Variants in PPARG observed in about 807,000 individuals in gnomAD.
The protein encoded by PPARG is peroxisome proliferator-activated receptor gamma.
Under a neutral mutation model 39.2 loss-of-function variants are expected in PPARG, and 17 were observed. That is an observed-to-expected ratio of 0.43 (90% CI 0.30 to 0.65). PPARG has a LOEUF of 0.65. PPARG is among the 30% of genes least tolerant of loss of function. The pLI is 0.13. For missense variants in PPARG, 406 were observed against 585.9 expected (o/e 0.69, Z 3.17); for synonymous variants, 223 against 215.7 (o/e 1.03, Z -0.30).
intron 1 of PPARG, among the ~76,000 whole-genome samples, chr3:12,300,988 T>C (rs999168070): frequency 2.0e-5 from 3 of 152,198 alleles, no homozygotes; most frequent in African/African-American, 7.2e-5. Context: ...TCCACAATCT[T>C]AGGGAATTTC....
At chr3:12,392,791 A>G (rs777491712) in intron 5 of PPARG, 39 bp downstream of exon 5, 3 of 1,611,902 alleles carry the variant, frequency 1.9e-6, no homozygotes, top group Admixed American at 1.7e-5. Flanking sequence ...TATTATTCTC[A>G]TTATAGCTGC....
intron 1 of PPARG, among the ~76,000 whole-genome samples, chr3:12,311,870 C>A (rs564416987): frequency 1.3e-5 from 2 of 152,270 alleles, no homozygotes; most frequent in Admixed American, 6.5e-5. Flanking sequence ...GTGTGGCACA[C>A]AACTGTACTG....
intron 2 of PPARG, among the ~76,000 whole-genome samples, chr3:12,331,446 G>A (rs1334259791): frequency 1.3e-5 from 2 of 152,194 alleles, no homozygotes; most frequent in African/African-American, 2.4e-5. Flanking sequence ...TGGAGAAAAG[G>A]AATCCAGTGA....
At chr3:12,399,977 C>T (rs1473996256) in intron 5 of PPARG, among the ~76,000 whole-genome samples, 2 of 150,772 alleles carry the variant, frequency 1.3e-5, no homozygotes, top group Non-Finnish European at 3.0e-5. Flanking sequence ...GAGAAAGACC[C>T]TGTCTCTAAA....
At chr3:12,413,440 G>C (rs916599762) in intron 6 of PPARG, among the ~76,000 whole-genome samples, 2 of 152,074 alleles carry the variant, frequency 1.3e-5, no homozygotes, top group African/African-American at 4.8e-5. Context: ...TAAAACAACT[G>C]GTGTTCATTT....
chr3:12,354,430 G>T (rs2048589548), intron 2 of PPARG, among the ~76,000 whole-genome samples: 1 of 151,812 alleles, frequency 6.6e-6, no homozygotes, highest in Non-Finnish European at 1.5e-5. Flanking sequence ...ATCACTTGTG[G>T]CTAGAATAGA....
chr3:12,315,827 G>A (rs1447409174), intron 2 of PPARG, among the ~76,000 whole-genome samples: 1 of 152,072 alleles, frequency 6.6e-6, no homozygotes, highest in Middle Eastern at 3.2e-3. Flanking sequence ...AGTGTTTTTT[G>A]TTGGTGACAG....
At chr3:12,319,559 A>G (rs894192512) in intron 2 of PPARG, among the ~76,000 whole-genome samples, 3 of 152,188 alleles carry the variant, frequency 2.0e-5, no homozygotes, top group Admixed American at 2.0e-4. Flanking sequence ...AAACCACAAA[A>G]TCTTTCTTGT....
At chr3:12,342,586 C>G (rs1429729802) in intron 2 of PPARG, among the ~76,000 whole-genome samples, 1 of 152,086 alleles carries the variant, frequency 6.6e-6, no homozygotes, top group East Asian at 1.9e-4. Context: ...AATACACATG[C>G]TGTATGTATG....
chr3:12,428,522 A>G (rs1165145492), intron 7 of PPARG, among the ~76,000 whole-genome samples: 1 of 152,256 alleles, frequency 6.6e-6, no homozygotes, highest in Non-Finnish European at 1.5e-5. Context: ...CCTCCTGGCA[A>G]CAGTGCCTTT....
At chr3:12,358,143 G>A (rs1399855639) in intron 2 of PPARG, among the ~76,000 whole-genome samples, 1 of 152,164 alleles carries the variant, frequency 6.6e-6, no homozygotes, top group African/African-American at 2.4e-5. Flanking sequence ...AGTTTGAGTA[G>A]CATTCATTGA....
intron 1 of PPARG, among the ~76,000 whole-genome samples, chr3:12,310,411 C>T (rs1234267644): frequency 3.3e-5 from 5 of 150,316 alleles, no homozygotes; most frequent in African/African-American, 7.4e-5. Flanking sequence ...GATTTGGTTC[C>T]GTTTTTTAGA....
At chr3:12,389,832 G>T (rs1161539803) in intron 4 of PPARG, among the ~76,000 whole-genome samples, 1 of 152,162 alleles carries the variant, frequency 6.6e-6, no homozygotes, top group African/African-American at 2.4e-5. Context: ...GAGAGGTGAA[G>T]GTTGCAGTGA....
At chr3:12,343,010 C>T (rs1024180189) in intron 2 of PPARG, among the ~76,000 whole-genome samples, 1 of 152,174 alleles carries the variant, frequency 6.6e-6, no homozygotes, top group African/African-American at 2.4e-5. Flanking sequence ...AGTATCTTTA[C>T]TAAAGAGATT....
At chr3:12,432,894 G>C (rs1026209719) in intron 7 of PPARG, among the ~76,000 whole-genome samples, 15 of 152,256 alleles carry the variant, frequency 9.9e-5, no homozygotes, top group Non-Finnish European at 2.1e-4. Flanking sequence ...TAAAGTATTT[G>C]AGAATAAATC....
At chr3:12,431,132 G>A (rs1206882618) in intron 7 of PPARG, among the ~76,000 whole-genome samples, 1 of 152,052 alleles carries the variant, frequency 6.6e-6, no homozygotes, top group Non-Finnish European at 1.5e-5. Context: ...TCTTCTTGAT[G>A]AGCCTGACTG....
chr3:12,370,726 C>G (rs1221939823), intron 2 of PPARG, among the ~76,000 whole-genome samples: 1 of 152,162 alleles, frequency 6.6e-6, no homozygotes, highest in Non-Finnish European at 1.5e-5. Context: ...CTTGCTTAAC[C>G]TAGCATTGCC....
intron 5 of PPARG, among the ~76,000 whole-genome samples, chr3:12,396,828 C>A (rs1467525280): frequency 6.7e-6 from 1 of 149,232 alleles, no homozygotes; most frequent in African/African-American, 2.5e-5. Context: ...AATGTATGAA[C>A]TAAATAATAA....
At chr3:12,302,870 C>T (rs939522405) in intron 1 of PPARG, among the ~76,000 whole-genome samples, 2 of 152,026 alleles carry the variant, frequency 1.3e-5, no homozygotes, top group Admixed American at 6.6e-5. Context: ...CTGCAAAATC[C>T]GGACATACCA....
Sources: allele counts gnomAD v4.1 joint callset (sites outside exome capture counted in the v4.1 genomes callset), GRCh38; gene constraint gnomAD v4.1.1; transcripts MANE v1.5; gene names NCBI Gene and HGNC (gene_info 2026-07-23, HGNC 2026-07-21).